CCSER1: variants seen among roughly 807,000 people sequenced by gnomAD.
The protein encoded by CCSER1 is serine-rich coiled-coil domain-containing protein 1.
Under a neutral mutation model 82.0 loss-of-function variants are expected in CCSER1, and 41 were observed. The ratio of observed to expected loss-of-function variants is 0.50; its 90% CI spans 0.39 to 0.65. CCSER1 has a LOEUF of 0.65. Among genes scored for constraint, CCSER1 ranks in the 30% least tolerant of loss-of-function variants. The pLI is 0.00. For missense variants in CCSER1, 1,119 were observed against 1,064.2 expected, an observed-to-expected ratio of 1.05 and a Z score of -0.72; for synonymous variants, 414 against 383.9, an observed-to-expected ratio of 1.08 and a Z score of -0.92.
chr4:90,748,872 T>G (rs1028480389), intron 7 of CCSER1, among the ~76,000 whole-genome samples: 2,040 of 149,788 alleles, frequency 0.014, 47 homozygotes, highest in African/African-American at 0.048. Flanking sequence ...TTGCCCACTT[T>G]TTTATGGGGT....
chr4:91,577,791 C>T (rs1763520245), intron 10 of CCSER1, among the ~76,000 whole-genome samples: 1 of 151,930 alleles, frequency 6.6e-6, no homozygotes, highest in Non-Finnish European at 1.5e-5. Context: ...AAAAATTAAA[C>T]TTCAAATGAC....
At chr4:91,581,066 A>G (rs73836237) in intron 10 of CCSER1, among the ~76,000 whole-genome samples, 16,579 of 151,672 alleles carry the variant, frequency 0.11, 929 homozygotes, top group Middle Eastern at 0.18. Context: ...CCTTCCACAG[A>G]TAAGGACTTC....
At chr4:91,346,962 C>T (rs1578234727) in intron 10 of CCSER1, among the ~76,000 whole-genome samples, 1 of 151,850 alleles carries the variant, frequency 6.6e-6, no homozygotes, top group Non-Finnish European at 1.5e-5. Flanking sequence ...GTGTCTTTTG[C>T]AGAGCAAAAG....
chr4:91,598,847 G>A lies in CCSER1; in HGVS notation c.2493G>A (p.Lys831=), dbSNP rs899776773. ...CCACCGTTGGGCAGAGCTCTCTGAA[G>A]CCAACAGCTAAGACAGAAGGGCTCT... ...LRATVGQSSL[K]PTAKTEGLST... Residue 831 remains lysine (K), a synonymous_variant, in exon 11 of 11, where the codon AAG becomes AAA. Coordinates refer to ENST00000509176, the MANE Select transcript of CCSER1 (RefSeq NM_001145065.2). The A allele has an allele frequency of 6.4e-7, 1 of 1,551,514 alleles. No homozygotes were observed. Among genetic ancestry groups the A allele is most frequent in the African/African-American group, 1.4e-5 (1 of 73,056 alleles).
chr4:90,152,888 AT>A (rs1727146964), intron 1 of CCSER1, among the ~76,000 whole-genome samples: 1 of 147,516 alleles, frequency 6.8e-6, no homozygotes, highest in African/African-American at 2.5e-5. Context: ...TTTTAATTTT[AT>A]TTTTTATTAT....
intron 10 of CCSER1, among the ~76,000 whole-genome samples, chr4:91,414,652 C>T (rs1753245732): frequency 6.6e-6 from 1 of 152,070 alleles, no homozygotes; most frequent in Non-Finnish European, 1.5e-5. Context: ...AGAAATCCAA[C>T]ATTTGCTACC....
At chr4:91,383,906 A>T (rs995346750) in intron 10 of CCSER1, among the ~76,000 whole-genome samples, 1 of 152,110 alleles carries the variant, frequency 6.6e-6, no homozygotes, top group African/African-American at 2.4e-5. Context: ...AAAAAGACAA[A>T]TTTTTTTAAT....
intron 5 of CCSER1, among the ~76,000 whole-genome samples, chr4:90,581,100 A>G (rs1184830285): frequency 6.6e-6 from 1 of 152,268 alleles, no homozygotes; most frequent in East Asian, 1.9e-4. Context: ...TTTAATTCAA[A>G]TGGCAACAAA....
intron 6 of CCSER1, among the ~76,000 whole-genome samples, chr4:90,705,099 T>G (rs190287985): frequency 1.1e-3 from 167 of 152,304 alleles, no homozygotes; most frequent in Admixed American, 1.8e-3. Context: ...CCCATCTTTG[T>G]GGTTTTATCT....
chr4:91,148,580 A>C (rs1245859892), intron 10 of CCSER1, among the ~76,000 whole-genome samples: 2 of 152,032 alleles, frequency 1.3e-5, no homozygotes, highest in South Asian at 4.2e-4. Flanking sequence ...GGTGTGCTGC[A>C]CCCATTAACT....
chr4:90,229,312 T>C (rs1011566808), intron 1 of CCSER1, among the ~76,000 whole-genome samples: 1 of 152,126 alleles, frequency 6.6e-6, no homozygotes, highest in African/African-American at 2.4e-5. Context: ...TGGGGGCCAA[T>C]ATTCAACATT....
In CCSER1 at chr4:90,510,419, A is replaced by G. The variant is rs564252699; in HGVS notation, c.1724+42065A>G. On this transcript the variant is annotated intron_variant, in intron 5 of 10. Coordinates refer to ENST00000509176, the MANE Select transcript of CCSER1 (RefSeq NM_001145065.2). ...TACAAAAACAAGTGAGAATTAAAGT[A>G]GAAACTATAACATTAATTTTTTTTA... Among the ~76,000 whole-genome samples, 8 of 152,358 alleles carry G rather than the reference A, an allele frequency of 5.3e-5. No homozygotes were observed. In the South Asian group the frequency reaches 1.7e-3, roughly 32 times the overall value.
intron 4 of CCSER1, among the ~76,000 whole-genome samples, chr4:90,459,277 G>A (rs909389364): frequency 2.0e-5 from 3 of 152,188 alleles, no homozygotes; most frequent in Admixed American, 1.3e-4. Flanking sequence ...ATCTGTCAGA[G>A]ATATTTGGAA....
intron 10 of CCSER1, among the ~76,000 whole-genome samples, chr4:91,399,557 C>T (rs1752196724): frequency 6.6e-6 from 1 of 151,960 alleles, no homozygotes; most frequent in Non-Finnish European, 1.5e-5. Context: ...ATAGCTGCTG[C>T]TGTTTCTTAG....
At chr4:90,879,554 AGGAAG>A (rs1561294875) in intron 8 of CCSER1, among the ~76,000 whole-genome samples, 10 of 54,262 alleles carry the variant, frequency 1.8e-4, no homozygotes, top group African/African-American at 5.0e-4. Flanking sequence ...GAAGAAGAAG[AGGAAG>A]AAGAAGAAGA....
intron 9 of CCSER1, among the ~76,000 whole-genome samples, chr4:90,985,522 TATA>T: frequency 6.6e-6 from 1 of 151,942 alleles, no homozygotes; most frequent in South Asian, 2.1e-4. Flanking sequence ...TCAACACCAA[TATA>T]ATAATGCCTC....
At chr4:91,181,065 C>G (rs527307136) in intron 10 of CCSER1, among the ~76,000 whole-genome samples, 1 of 152,206 alleles carries the variant, frequency 6.6e-6, no homozygotes, top group African/African-American at 2.4e-5. Context: ...GCCCTCATTC[C>G]CATAAACCCA....
chr4:91,316,949 A>C (rs1020362685), intron 10 of CCSER1, among the ~76,000 whole-genome samples: 2 of 151,972 alleles, frequency 1.3e-5, no homozygotes, highest in African/African-American at 2.4e-5. Context: ...TCAGTTGGGC[A>C]AGAGGCATAA....
chr4:91,480,179 T>A (rs1757827784), intron 10 of CCSER1, among the ~76,000 whole-genome samples: 1 of 151,932 alleles, frequency 6.6e-6, no homozygotes, highest in Non-Finnish European at 1.5e-5. Flanking sequence ...TCTTTGCTAT[T>A]GTGAATAATG....
Sources: gnomAD v4.1 joint callset for allele counts (sites outside exome capture counted in the v4.1 genomes callset) on GRCh38, gnomAD v4.1.1 for gene constraint, MANE v1.5 for transcripts, NCBI Gene and HGNC (gene_info 2026-07-23, HGNC 2026-07-21) for gene names.